NPDC1: variants seen among roughly 807,000 people sequenced by gnomAD.
NPDC1 encodes the protein neural proliferation, differentiation and control 1.
Under a neutral mutation model 32.5 loss-of-function variants are expected in NPDC1, and 18 were observed. That is an observed-to-expected ratio of 0.55 (90% CI 0.38 to 0.82). The LOEUF is 0.82. NPDC1 is among the 40% of genes least tolerant of loss of function. The pLI is 0.00. For missense variants in NPDC1, 468 were observed against 406.6 expected (o/e 1.15, Z -1.30); for synonymous variants, 210 against 184.7 (o/e 1.14, Z -1.11).
At chr9:137,041,021 C>A in intron 3 of NPDC1, 37 bp from the exon 4 acceptor site, 1 of 1,524,508 alleles carries the variant, frequency 6.6e-7, no homozygotes. Flanking sequence ...GAGCACTGGG[C>A]TAGGGACAGG....
At position 137,040,086 on chromosome 9, in the gene NPDC1, C is replaced by G. The variant is rs775903773; in HGVS notation, c.789-19G>C. 2.6e-6 allele frequency: 2 copies of G among 774,314 alleles called. No homozygotes were observed. Among genetic ancestry groups the G allele is most frequent in the Non-Finnish European group, 2.4e-6 (1 of 417,128 alleles). 48.0% of individuals were successfully genotyped at this position (774,314 alleles called of 1,614,324 possible). On this transcript the variant is annotated intron_variant, in intron 7 of 8. Coordinates refer to ENST00000371601, the MANE Select transcript of NPDC1 (RefSeq NM_015392.4). ...TTTATGCCTGGGTGGGGGGGGATCG[C>G]TGGGTCCTCCCCATGCCCTCGAGGT...
In NPDC1 at chr9:137,041,044, G is replaced by T; in HGVS notation, c.385+18C>A. ...GGCTAGGGACAGGGCCGTGGGGCAGGGGAAGCGGGGGTCTCACCAGGCTCC... is the reference window on the plus strand; with the variant it reads ...GGCTAGGGACAGGGCCGTGGGGCAGTGGAAGCGGGGGTCTCACCAGGCTCC... On this transcript the variant is annotated intron_variant, in intron 3 of 8. Coordinates refer to ENST00000371601, the MANE Select transcript of NPDC1 (RefSeq NM_015392.4). The T allele has an allele frequency of 6.6e-7, 1 of 1,519,638 alleles. No individual in the cohort carries two copies. The allele number at this position is 1,519,638 out of a possible 1,614,324, so 94.1% of individuals were successfully genotyped here. A position where few individuals can be genotyped will look rare whatever the true frequency, so the allele number is the denominator to read the frequency against.
chr9:137,040,045 G>A lies in NPDC1; in HGVS notation c.811C>T (p.Leu271=), dbSNP rs751072244. The A allele has an allele frequency of 3.9e-6, 3 of 778,682 alleles. No homozygotes were observed. The South Asian group carries it at 4.0e-5, about 10-fold the overall frequency. 48.2% of individuals were successfully genotyped at this position (778,682 alleles called of 1,614,324 possible). The change falls in exon 8 of 9, where the codon CTG becomes TTG. Residue 271 remains leucine (L), a synonymous_variant. Transcript: ENST00000371601. ...TCCTCATCCGAGGAGGCCGTGTCCA[G>A]CTCCTTGGGTGGCTCTTTATGCCTG... ...LERHKEPPKE[L]DTASSDEENE... is the part of the protein sequence containing the mutation.
chr9:137,040,760 G>A (rs1021636623), intron 4 of NPDC1, 23 bp from the exon 5 acceptor site: 3 of 1,586,174 alleles, frequency 1.9e-6, no homozygotes, highest in Non-Finnish European at 2.6e-6. Flanking sequence ...GCGTGTGAGG[G>A]CGGCCTTCTG....
intron 2 of NPDC1, among the ~76,000 whole-genome samples, chr9:137,041,557 G>C (rs1243468048): frequency 6.6e-6 from 1 of 152,192 alleles, no homozygotes; most frequent in Non-Finnish European, 1.5e-5. Context: ...CAAGGAGTGG[G>C]GGGAAGCCGA....
At chr9:137,040,220 CG>C in intron 7 of NPDC1, 136 bp downstream of exon 7, 1 of 826,624 alleles carries the variant, frequency 1.2e-6, no homozygotes, top group Non-Finnish European at 1.9e-6. Flanking sequence ...TGCAGGGCGG[CG>C]GGGGAGGTGA....
At chr9:137,045,176 G>A (rs1832111791) in intron 1 of NPDC1, among the ~76,000 whole-genome samples, 1 of 152,222 alleles carries the variant, frequency 6.6e-6, no homozygotes, top group Non-Finnish European at 1.5e-5. Flanking sequence ...CAGGTGAGAG[G>A]GTGTCCCAGG....
rs780583708 is a variant in NPDC1, at chr9:137,041,128, C to T, written c.319G>A (p.Ala107Thr). ...DEIDFLAQEL[A>T]RKESGHSTPP... ...GTTGAGTGTCCAGACTCCTTCCGGG[C>T]AAGCTCCTGGGCCAGGAAGTCAATC... is the stretch of plus-strand genomic sequence containing the variant. Residue 107 changes from alanine (A) to threonine (T), a missense_variant, in exon 3 of 9, where the codon GCC (alanine) becomes ACC (threonine). Physicochemically the swap from Ala to Thr is moderately conservative, Grantham distance 58 (BLOSUM62 0). Coordinates refer to ENST00000371601, the MANE Select transcript of NPDC1 (RefSeq NM_015392.4). 3 of 1,511,792 alleles carry T rather than the reference C, an allele frequency of 2.0e-6. No homozygotes were observed. The highest frequency in any genetic ancestry group is 1.8e-6 in the Non-Finnish European group (2 of 1,131,670). 93.6% of individuals were successfully genotyped at this position (1,511,792 alleles called of 1,614,324 possible). A position where few individuals can be genotyped will look rare whatever the true frequency, so the allele number is the denominator to read the frequency against.
In NPDC1 at chr9:137,039,571, C is replaced by A; in HGVS notation, c.*201G>T. On this transcript the variant is annotated 3_prime_UTR_variant, in exon 9 of 9. Coordinates refer to ENST00000371601, the MANE Select transcript of NPDC1 (RefSeq NM_015392.4). ...CTCCAGTTTGGGGGTCTAAACCGAA[C>A]AGGAGAGGTGCAGGGGACCAGGAGG... 1 of 565,074 alleles carries A rather than the reference C, an allele frequency of 1.8e-6. No individual in the cohort carries two copies. 35.0% of individuals were successfully genotyped at this position (565,074 alleles called of 1,614,324 possible). A position where few individuals can be genotyped will look rare whatever the true frequency, so the allele number is the denominator to read the frequency against.
chr9:137,039,868 C>T lies in NPDC1; in HGVS notation c.886-4G>A, dbSNP rs373469069. The T allele has an allele frequency of 1.4e-4, 107 of 779,270 alleles. No homozygotes were observed. The African/African-American group carries it at 1.7e-3, about 12-fold the overall frequency. 48.3% of individuals were successfully genotyped at this position (779,270 alleles called of 1,614,324 possible). On this transcript the variant is annotated splice_polypyrimidine_tract_variant and splice_region_variant and intron_variant, in intron 8 of 8. Coordinates refer to ENST00000371601, the MANE Select transcript of NPDC1 (RefSeq NM_015392.4). ...TGCGCACCTCCATTTCCCCGGTCTGCGAATGTGGGTGTCAGGCTGGGCAGT... is the reference window on the plus strand; with the variant it reads ...TGCGCACCTCCATTTCCCCGGTCTGTGAATGTGGGTGTCAGGCTGGGCAGT...
chr9:137,043,521 C>T (rs1489923343), intron 1 of NPDC1: 3 of 607,552 alleles, frequency 4.9e-6, no homozygotes, highest in Non-Finnish European at 9.0e-6. Flanking sequence ...AGCGACCTCT[C>T]CTTCCCGTGC....
Position 137,041,074 on chromosome 9 carries a change from G to A in NPDC1, c.373C>T (p.Leu125Phe), listed in dbSNP as rs780743141. 1.2e-5 allele frequency: 19 copies of A among 1,523,974 alleles called. No homozygotes were observed. The highest frequency in any genetic ancestry group is 1.5e-5 in the Non-Finnish European group (17 of 1,137,620). 94.4% of individuals were successfully genotyped at this position (1,523,974 alleles called of 1,614,324 possible). Reference sequence around the variant, plus strand: ...GCGGGGGTCTCACCAGGCTCCGGGAGCCGCTGTCGGTCCTTGGGTAGGGGC... The same window carrying A: ...GCGGGGGTCTCACCAGGCTCCGGGAACCGCTGTCGGTCCTTGGGTAGGGGC... ...TPPLPKDRQR[L>F]PEPATLGFSA... The change falls in exon 3 of 9, where the codon CTC becomes TTC. Residue 125 changes from leucine to phenylalanine, a missense_variant. Transcript: ENST00000371601.
At position 137,040,074 on chromosome 9, in the gene NPDC1, G is replaced by T. The variant is rs187473008; in HGVS notation, c.789-7C>A. On this transcript the variant is annotated splice_polypyrimidine_tract_variant and splice_region_variant and intron_variant, in intron 7 of 8. Coordinates refer to ENST00000371601, the MANE Select transcript of NPDC1 (RefSeq NM_015392.4). ...CTTGGGTGGCTCTTTATGCCTGGGT[G>T]GGGGGGGATCGCTGGGTCCTCCCCA... 6.1e-5 allele frequency: 47 copies of T among 774,456 alleles called. No individual in the cohort carries two copies. Among genetic ancestry groups the T allele is most frequent in the East Asian group, 4.4e-4 (18 of 41,148 alleles). The allele number at this position is 774,456 out of a possible 1,614,324, so 48.0% of individuals were successfully genotyped here. A position where few individuals can be genotyped will look rare whatever the true frequency, so the allele number is the denominator to read the frequency against.
intron 7 of NPDC1, 61 bp from the exon 8 acceptor site, chr9:137,040,128 G>A (rs1454528635): frequency 1.3e-6 from 1 of 745,082 alleles, no homozygotes; most frequent in African/African-American, 1.7e-5. Context: ...GGCCCAGTCT[G>A]GAAGTGGGCA....
Position 137,040,521 on chromosome 9 carries a change from C to A in NPDC1, c.701G>T (p.Arg234Leu). ...CTGAAGGGGGCCACACACCGAGATC[C>A]GGGGAGCTGCAGGTGAGCCAGGGGC... is the stretch of plus-strand genomic sequence containing the variant. ...AKAPGSPAAP[R>L]ISPGDQRLAQ... The change falls in exon 6 of 9, where the codon CGG (arginine) becomes CTG (leucine). Residue 234 changes from arginine to leucine, a missense_variant. Physicochemically the swap from Arg to Leu is moderately radical, Grantham distance 102. Transcript: ENST00000371601. 6.3e-7 allele frequency: 1 copy of A among 1,589,872 alleles called. No homozygotes were observed.
Position 137,045,864 on chromosome 9 carries a change from G to C in NPDC1, c.112+14C>G. 1.9e-6 allele frequency: 2 copies of C among 1,029,060 alleles called. No homozygotes were observed. The highest frequency in any genetic ancestry group is 1.7e-5 in the African/African-American group (1 of 57,948). The allele number at this position is 1,029,060 out of a possible 1,614,324, so 63.7% of individuals were successfully genotyped here. ...CGGGGCGCCCCGCGGCCTGCGCCCA[G>C]CGCGCTCGCTCACCCGGGTGGCCGG... is the stretch of plus-strand genomic sequence containing the variant. On this transcript the variant is annotated intron_variant, in intron 1 of 8. Transcript: ENST00000371601.
chr9:137,042,728 T>C lies in NPDC1; in HGVS notation c.259+199A>G, dbSNP rs977390073. 4.4e-5 allele frequency: 26 copies of C among 594,444 alleles called. No homozygotes were observed. The African/African-American group carries it at 4.5e-4, about 10-fold the overall frequency. The allele number at this position is 594,444 out of a possible 1,614,324, so 36.8% of individuals were successfully genotyped here. ...GTGTGTGCCACCACACCCGGCTACT[T>C]TGTATTTTTAGTAGAGACGGGGTTT... On this transcript the variant is annotated intron_variant, in intron 2 of 8. Transcript: ENST00000371601.
Position 137,039,971 on chromosome 9 carries a change from C to T in NPDC1, c.885G>A (p.Pro295=), listed in dbSNP as rs113220860. The change falls in exon 8 of 9, where the codon CCG becomes CCA. Residue 295 remains proline, a splice_region_variant and synonymous_variant. Transcript: ENST00000371601. The part of the protein sequence containing the change: ...FTVYECPGLA[P]TGEMEVRNPL... The stretch of plus-strand genomic sequence containing the variant: ...CCTCCCTGCACCCTGAGGCACTCAC[C>T]GGGGCCAGGCCCGGGCACTCGTACA... 1.5e-3 allele frequency: 1,162 copies of T among 778,946 alleles called. 11 individuals are homozygous for T. The African/African-American group carries it at 0.017, about 11-fold the overall frequency. 48.3% of individuals were successfully genotyped at this position (778,946 alleles called of 1,614,324 possible).
At chr9:137,043,608 C>T (rs1199813342) in intron 1 of NPDC1, 2 of 551,160 alleles carry the variant, frequency 3.6e-6, no homozygotes, top group East Asian at 2.9e-5. Context: ...GGCTTGTCCC[C>T]CAGGCACCGA....
Sources: allele counts gnomAD v4.1 joint callset (sites outside exome capture counted in the v4.1 genomes callset), GRCh38; gene constraint gnomAD v4.1.1; transcripts MANE v1.5; gene names NCBI Gene and HGNC (gene_info 2026-07-23, HGNC 2026-07-21).